Variants in PTPRO observed in about 807,000 individuals in gnomAD.
PTPRO encodes the protein receptor-type tyrosine-protein phosphatase O.
PTPRO carries 62 observed loss-of-function variants against 145.2 expected under a neutral mutation model. That is an observed-to-expected ratio of 0.43 (90% CI 0.35 to 0.53). The LOEUF (loss-of-function observed/expected upper bound fraction) is 0.53, where lower values mean the gene tolerates loss of function less well. Among genes scored for constraint, PTPRO ranks in the 20% least tolerant of loss-of-function variants. The probability of loss-of-function intolerance (pLI) is 0.01; values close to 1 mark genes in which losing one functional copy is unlikely to be tolerated. For missense variants in PTPRO, 1,345 were observed against 1,482.7 expected, an observed-to-expected ratio of 0.91 and a Z score of 1.53; for synonymous variants, 565 against 514.7, an observed-to-expected ratio of 1.10 and a Z score of -1.32.
intron 1 of PTPRO, among the ~76,000 whole-genome samples, chr12:15,331,939 A>G (rs1317785240): frequency 1.4e-5 from 2 of 146,330 alleles, no homozygotes; most frequent in African/African-American, 2.5e-5. Context: ...TGATTATAGT[A>G]TCCTTTTTGT....
Position 15,503,912 on chromosome 12 carries a change from C to T in PTPRO, c.1110C>T (p.Asn370=), listed in dbSNP as rs61754411. 1 of 1,572,938 alleles carries T rather than the reference C, an allele frequency of 6.4e-7. No individual in the cohort carries two copies. The stretch of plus-strand genomic sequence containing the variant: ...TCTTTTTTATATATGATTTAGAGAA[C>T]TTTACTGAATATTTGATGGTGGATG... The part of the protein sequence containing the change: ...GFHIHIEREE[N]FTEYLMVDEE... Residue 370 remains asparagine, a synonymous_variant, in exon 6 of 27, where the codon AAC becomes AAT. Coordinates refer to ENST00000281171, the MANE Select transcript of PTPRO (RefSeq NM_030667.3).
chr12:15,493,091 G>A (rs1219241172), intron 2 of PTPRO, among the ~76,000 whole-genome samples: 3 of 151,960 alleles, frequency 2.0e-5, no homozygotes, highest in Non-Finnish European at 4.4e-5. Context: ...AGCTTGAAAG[G>A]TACAAGAGAA....
chr12:15,581,577 T>C, intron 22 of PTPRO, 102 bp from the exon 23 acceptor site: 7 of 1,380,138 alleles, frequency 5.1e-6, no homozygotes, highest in South Asian at 1.2e-5. Context: ...CACGGTCCTA[T>C]CTAATTCTTT....
chr12:15,409,823 C>CT (rs1939747099), intron 1 of PTPRO, among the ~76,000 whole-genome samples: 1 of 152,174 alleles, frequency 6.6e-6, no homozygotes, highest in Admixed American at 6.5e-5. Flanking sequence ...GGGGAGGGTG[C>CT]TAAACCCTTC....
intron 1 of PTPRO, among the ~76,000 whole-genome samples, chr12:15,334,861 T>A (rs1866710800): frequency 6.6e-6 from 1 of 152,116 alleles, no homozygotes; most frequent in African/African-American, 2.4e-5. Flanking sequence ...TTAAAATTAA[T>A]AATCTTCTTT....
chr12:15,589,647 T>C, intron 25 of PTPRO, 57 bp downstream of exon 25: 1 of 1,589,258 alleles, frequency 6.3e-7, no homozygotes. Context: ...AAACTTACCA[T>C]TATTCAATGA....
At chr12:15,570,296 A>T (rs183210784) in intron 19 of PTPRO, among the ~76,000 whole-genome samples, 1 of 152,174 alleles carries the variant, frequency 6.6e-6, no homozygotes, top group East Asian at 1.9e-4. Flanking sequence ...AAAGGGGAAG[A>T]TAAAGTGATT....
At chr12:15,465,371 T>C (rs1318572569) in intron 1 of PTPRO, among the ~76,000 whole-genome samples, 1 of 152,274 alleles carries the variant, frequency 6.6e-6, no homozygotes, top group Non-Finnish European at 1.5e-5. Context: ...TATTCTGTTT[T>C]ATGTGAATAA....
intron 1 of PTPRO, among the ~76,000 whole-genome samples, chr12:15,337,701 T>C (rs994846034): frequency 6.6e-6 from 1 of 152,198 alleles, no homozygotes; most frequent in Non-Finnish European, 1.5e-5. Context: ...TTAAAAACTG[T>C]GGTGCATCCA....
At chr12:15,515,925 G>A (rs933482043) in intron 8 of PTPRO, among the ~76,000 whole-genome samples, 1 of 151,512 alleles carries the variant, frequency 6.6e-6, no homozygotes, top group Non-Finnish European at 1.5e-5. Context: ...GCTGAGGTGG[G>A]AGGACTGCTT....
At chr12:15,402,516 A>G (rs1157835494) in intron 1 of PTPRO, among the ~76,000 whole-genome samples, 2 of 152,216 alleles carry the variant, frequency 1.3e-5, no homozygotes, top group African/African-American at 4.8e-5. Context: ...CTTCTGAAGG[A>G]ACAATCCACA....
At chr12:15,440,043 T>C in intron 1 of PTPRO, 1 of 652,816 alleles carries the variant, frequency 1.5e-6, no homozygotes, top group East Asian at 2.8e-5. Flanking sequence ...GGTAACAAGA[T>C]CTGCAAGCCC....
chr12:15,566,589 T>C (rs1943904297), intron 18 of PTPRO, among the ~76,000 whole-genome samples: 1 of 152,088 alleles, frequency 6.6e-6, no homozygotes, highest in South Asian at 2.1e-4. Flanking sequence ...GGCACAATCT[T>C]GGCTCACTGC....
intron 18 of PTPRO, among the ~76,000 whole-genome samples, chr12:15,568,379 G>A (rs1467963076): frequency 2.0e-5 from 3 of 151,968 alleles, no homozygotes; most frequent in South Asian, 2.1e-4. Context: ...GCAGTGAGCC[G>A]AAATAGTGCC....
At chr12:15,519,631 T>C (rs994189905) in intron 9 of PTPRO, among the ~76,000 whole-genome samples, 3 of 152,240 alleles carry the variant, frequency 2.0e-5, no homozygotes, top group Admixed American at 6.5e-5. Context: ...ATTTTAATGA[T>C]GACTTTTCAT....
chr12:15,464,750 G>A lies in PTPRO; in HGVS notation c.76-19224G>A, dbSNP rs550422610. 6.6e-5 allele frequency among the ~76,000 whole-genome samples: 10 copies of A among 152,158 alleles called. No homozygotes were observed. The East Asian group carries it at 1.9e-3, about 29-fold the overall frequency. On this transcript the variant is annotated intron_variant, in intron 1 of 26. Transcript: ENST00000281171. Reference sequence around the variant, plus strand: ...AACCTGTGTGGATTATTGTAAATTAGCATGATATACTTGTTTCAGACCACC... The same window carrying A: ...AACCTGTGTGGATTATTGTAAATTAACATGATATACTTGTTTCAGACCACC...
At chr12:15,424,665 G>A (rs1447650616) in intron 1 of PTPRO, among the ~76,000 whole-genome samples, 1 of 151,954 alleles carries the variant, frequency 6.6e-6, no homozygotes, top group Non-Finnish European at 1.5e-5. Context: ...TTCTGATAAG[G>A]TTATGAAGGT....
At chr12:15,587,741 T>G (rs1054791739) in intron 24 of PTPRO, among the ~76,000 whole-genome samples, 2 of 152,224 alleles carry the variant, frequency 1.3e-5, no homozygotes, top group Non-Finnish European at 2.9e-5. Context: ...GATACAATAT[T>G]GCTGTAAAAT....
intron 17 of PTPRO, among the ~76,000 whole-genome samples, chr12:15,564,682 G>A (rs1012084983): frequency 6.6e-6 from 1 of 152,152 alleles, no homozygotes; most frequent in Non-Finnish European, 1.5e-5. Context: ...ATTACAACTG[G>A]TTATTTACTA....
Sources: gnomAD v4.1 joint callset for allele counts (sites outside exome capture counted in the v4.1 genomes callset) on GRCh38, gnomAD v4.1.1 for gene constraint, MANE v1.5 for transcripts, NCBI Gene and HGNC (gene_info 2026-07-23, HGNC 2026-07-21) for gene names.